NUMA1: variants seen among roughly 807,000 people sequenced by gnomAD.
The protein encoded by NUMA1 is SP-H antigen.
Under a neutral mutation model 237.1 loss-of-function variants are expected in NUMA1, and 62 were observed. That is an observed-to-expected ratio of 0.26 (90% CI 0.21 to 0.32). NUMA1 has a LOEUF of 0.32. NUMA1 is among the 10% of genes least tolerant of loss of function. The probability of loss-of-function intolerance (pLI) is 1.00; values close to 1 mark genes in which losing one functional copy is unlikely to be tolerated. For synonymous variants in NUMA1, 1,028 were observed against 1,066.1 expected, an observed-to-expected ratio of 0.96 and a Z score of 0.70; for missense variants, 2,533 against 2,666.5, an observed-to-expected ratio of 0.95 and a Z score of 1.10.
chr11:72,076,675 C>G (rs1378898929), intron 1 of NUMA1: 1 of 152,084 alleles, frequency 6.6e-6, no homozygotes, highest in East Asian at 1.9e-4. Context: ...ATCCCAGCTA[C>G]TCAGGAGGCT....
chr11:72,045,275 C>T (rs556859205), intron 2 of NUMA1, among the ~76,000 whole-genome samples: 1 of 152,054 alleles, frequency 6.6e-6, no homozygotes, highest in Non-Finnish European at 1.5e-5. Context: ...CAGACCAAGG[C>T]TCATTGCTGT....
Position 72,024,276 on chromosome 11 carries a change from T to C in NUMA1, c.206A>G (p.Gln69Arg), listed in dbSNP as rs1939278820. ...ERLDFVCSFL[Q>R]KNRKHPSSPE... ...AGCTGGATAAGAAAGGTGCTTACTC[T>C]GCAGAAAACTGCACACAAAGTCCAG... The change falls in exon 5 of 27, where the codon CAG (glutamine) becomes CGG (arginine). Residue 69 changes from glutamine (Q) to arginine (R), a missense_variant and splice_region_variant. By Grantham distance (43) the Gln-to-Arg change is conservative (BLOSUM62 1). Around this residue, in one of 3 missense-constraint regions of NUMA1, gnomAD observed 1,414 missense variants for 1,508.1 expected, o/e 0.94. Coordinates refer to ENST00000393695, the MANE Select transcript of NUMA1 (RefSeq NM_006185.4). 3 of 1,614,156 alleles carry C rather than the reference T, an allele frequency of 1.9e-6. No homozygotes were observed. The highest frequency in any genetic ancestry group is 1.7e-5 in the Admixed American group (1 of 60,032).
intron 2 of NUMA1, among the ~76,000 whole-genome samples, chr11:72,055,917 A>G (rs1161797292): frequency 6.6e-6 from 1 of 151,972 alleles, no homozygotes; most frequent in African/African-American, 2.4e-5. Flanking sequence ...GGAGTTCGAG[A>G]TCAGCCTGAC....
rs769235612 is a variant in NUMA1, at chr11:72,013,853, C to T, written c.3650G>A (p.Arg1217Gln). The T allele has an allele frequency of 3.5e-5, 56 of 1,613,272 alleles. No homozygotes were observed. The East Asian group carries it at 9.8e-4, about 28-fold the overall frequency. ...GCTATTTTTCCTCTCAGCCTCTTGC[C>T]GGCCCCGGGCCACCTGGGCCTTCCA... ...DEWKAQVARG[R>Q]QEAERKNSLI... Residue 1217 changes from arginine to glutamine, a missense_variant, in exon 15 of 27, where the codon CGG becomes CAG. Physicochemically the swap from Arg to Gln is conservative, Grantham distance 43. Around this residue, in one of 3 missense-constraint regions of NUMA1, gnomAD observed 1,414 missense variants for 1,508.1 expected, o/e 0.94. Transcript: ENST00000393695. This position sits in a 1 kb window ranked among gnomAD's most constrained non-coding sequence, Gnocchi z 6.8.
intron 2 of NUMA1, chr11:72,050,554 G>A (rs1228773080): frequency 6.6e-6 from 1 of 152,212 alleles, no homozygotes; most frequent in Non-Finnish European, 1.5e-5. Flanking sequence ...GATTTTTAAG[G>A]AAGGCTGTGT....
At chr11:72,051,167 G>T (rs536399651) in intron 2 of NUMA1, among the ~76,000 whole-genome samples, 3 of 152,076 alleles carry the variant, frequency 2.0e-5, no homozygotes, top group African/African-American at 4.8e-5. Context: ...GGAATTAAAC[G>T]GTGTGAGCCA....
At chr11:72,019,707 T>C in intron 8 of NUMA1, 90 bp from the exon 9 acceptor site, 1 of 1,387,714 alleles carries the variant, frequency 7.2e-7, no homozygotes, top group Non-Finnish European at 9.9e-7. Flanking sequence ...GAACTCGCCT[T>C]AGTGGGAGTA....
At chr11:72,025,933 A>G (rs1939520875) in intron 4 of NUMA1, among the ~76,000 whole-genome samples, 1 of 152,242 alleles carries the variant, frequency 6.6e-6, no homozygotes, top group South Asian at 2.1e-4. Flanking sequence ...TCCTTGGCTC[A>G]GTGTAGAGCA....
At chr11:72,032,263 A>G (rs562216937) in intron 3 of NUMA1, among the ~76,000 whole-genome samples, 3 of 152,312 alleles carry the variant, frequency 2.0e-5, no homozygotes, top group East Asian at 1.9e-4. Context: ...GTTTGCTAAT[A>G]TATTTATAAT....
chr11:72,015,335 C>A lies in NUMA1; in HGVS notation c.2168G>T (p.Arg723Leu), dbSNP rs372250812. Residue 723 changes from arginine to leucine, a missense_variant, in exon 15 of 27, where the codon CGC (arginine) becomes CTC (leucine). Around this residue, in one of 3 missense-constraint regions of NUMA1, gnomAD observed 1,414 missense variants for 1,508.1 expected, o/e 0.94. Transcript: ENST00000393695. The surrounding 1 kb of genome is among the most constrained non-coding windows in gnomAD (Gnocchi z 4.0). ...VTKGSLEEEK[R>L]RAADALEEQQ... ...CTCTTCCAGGGCATCTGCAGCCCTG[C>A]GCTTCTCCTCTTCAAGGCTGCCCTT... The A allele has an allele frequency of 1.9e-6, 3 of 1,613,216 alleles. No individual in the cohort carries two copies. Among genetic ancestry groups the A allele is most frequent in the Non-Finnish European group, 2.5e-6 (3 of 1,180,048 alleles).
intron 2 of NUMA1, among the ~76,000 whole-genome samples, chr11:72,044,833 G>T (rs1017396352): frequency 2.0e-5 from 3 of 151,732 alleles, no homozygotes; most frequent in African/African-American, 7.3e-5. Flanking sequence ...ATGCCCAGCT[G>T]ATTTTTTTAT....
intron 2 of NUMA1, chr11:72,040,885 C>T (rs548954322): frequency 6.6e-6 from 1 of 151,936 alleles, no homozygotes; most frequent in African/African-American, 2.4e-5. Context: ...TCCACCCCAC[C>T]CCCTCGTCCA....
chr11:72,026,398 G>A (rs1939589934), intron 4 of NUMA1, among the ~76,000 whole-genome samples: 1 of 152,260 alleles, frequency 6.6e-6, no homozygotes, highest in Admixed American at 6.5e-5. Context: ...TTACTGAGAA[G>A]AGCAGAAATA....
chr11:72,003,924 G>A lies in NUMA1; in HGVS notation c.6299C>T (p.Ala2100Val), dbSNP rs1295722460. The change falls in exon 26 of 27, where the codon GCT (alanine) becomes GTT (valine). Residue 2100 changes from alanine to valine, a missense_variant. Around this residue, in one of 3 missense-constraint regions of NUMA1, gnomAD observed 795 missense variants for 750.8 expected, o/e 1.06. Coordinates refer to ENST00000393695, the MANE Select transcript of NUMA1 (RefSeq NM_006185.4). ...TCGAGGGGTGGCACCAATGGCGGCA[G>A]CAGTGGCGGCGCTGGCTGTGGTGGT... ...IATTTASAATAAAIGATPRAK... is the reference protein window; with the variant it reads ...IATTTASAATVAAIGATPRAK... The A allele has an allele frequency of 1.2e-6, 2 of 1,612,502 alleles. No individual in the cohort carries two copies. The highest frequency in any genetic ancestry group is 2.2e-5 in the East Asian group (1 of 44,884).
rs1939111129 is a variant in NUMA1 at position 72,023,088 on chromosome 11, C to T, written c.268G>A (p.Gly90Arg). ...ACCTTCGCCAGTTCCAGCTCTGATC[C>T]CTCTAGCACCTTCTGTGCAGATACC... ...CLVSAQKVLE[G>R]SELELAKMTM... Residue 90 changes from glycine (G) to arginine (R), a missense_variant, in exon 6 of 27, where the codon GGA becomes AGA. Gly to Arg is a moderately radical substitution (Grantham distance 125). Transcript: ENST00000393695. 1 of 1,613,922 alleles carries T rather than the reference C, an allele frequency of 6.2e-7. No homozygotes were observed. Among genetic ancestry groups the T allele is most frequent in the Non-Finnish European group, 8.5e-7 (1 of 1,179,874 alleles).
intron 2 of NUMA1, among the ~76,000 whole-genome samples, chr11:72,047,196 G>A (rs910168948): frequency 5.3e-5 from 8 of 151,998 alleles, no homozygotes; most frequent in Non-Finnish European, 1.2e-4. Flanking sequence ...GGAGCTGGGT[G>A]TGGTGGCTCA....
Position 72,015,728 on chromosome 11 carries a change from C to T in NUMA1, c.1775G>A (p.Arg592Gln), listed in dbSNP as rs147334088. The T allele has an allele frequency of 2.5e-6, 4 of 1,614,194 alleles. No homozygotes were observed. Among genetic ancestry groups the T allele is most frequent in the Middle Eastern group, 1.6e-4 (1 of 6,062 alleles). ...ATCCCGCTCCCTTAAGGAGGCCTCTCGCTCCTCTGCAGCAGTGGCCAGTTG... is the reference window on the plus strand; with the variant it reads ...ATCCCGCTCCCTTAAGGAGGCCTCTTGCTCCTCTGCAGCAGTGGCCAGTTG... ...AQQLATAAEE[R>Q]EASLRERDAA... The change falls in exon 15 of 27, where the codon CGA becomes CAA. Residue 592 changes from arginine (R) to glutamine (Q), a missense_variant. Physicochemically the swap from Arg to Gln is conservative, Grantham distance 43. Transcript: ENST00000393695. The surrounding 1 kb of genome is among the most constrained non-coding windows in gnomAD (Gnocchi z 4.0).
In NUMA1 at chr11:72,008,784, A is replaced by G. The variant is rs139169825; in HGVS notation, c.5120T>C (p.Leu1707Ser). ...CTTAGCCTGGGGCTCACGGCTCTTTAAAGCATCAGTTGCCACCTGGAATTT... is the reference window on the plus strand; with the variant it reads ...CTTAGCCTGGGGCTCACGGCTCTTTGAAGCATCAGTTGCCACCTGGAATTT... ...LGKFQVATDA[L>S]KSREPQAKPQ... The change falls in exon 20 of 27, where the codon TTA becomes TCA. Residue 1707 changes from leucine (L) to serine (S), a missense_variant. Around this residue, in one of 3 missense-constraint regions of NUMA1, gnomAD observed 795 missense variants for 750.8 expected, o/e 1.06. Transcript: ENST00000393695. The G allele has an allele frequency of 1.1e-4, 172 of 1,614,012 alleles. No individual in the cohort carries two copies. The African/African-American group carries it at 1.9e-3, about 18-fold the overall frequency.
intron 4 of NUMA1, chr11:72,024,984 G>T (rs1193484544): frequency 6.5e-6 from 1 of 152,768 alleles, no homozygotes; most frequent in African/African-American, 2.4e-5. Context: ...TATAACCTCT[G>T]ACTCCTGGGT....
Sources: gnomAD v4.1 joint callset for allele counts (sites outside exome capture counted in the v4.1 genomes callset) on GRCh38, gnomAD v4.1.1 for gene constraint, gnomAD v4.1.1 regional missense constraint, Gnocchi (gnomAD v3.1) non-coding constraint, MANE v1.5 for transcripts, NCBI Gene and HGNC (gene_info 2026-07-23, HGNC 2026-07-21) for gene names.